GPHN: variants seen among roughly 807,000 people sequenced by gnomAD.
GPHN encodes gephyrin.
GPHN carries 17 observed loss-of-function variants against 95.5 expected under a neutral mutation model. The observed-to-expected ratio is 0.18, with a 90% CI of 0.12 to 0.27. The LOEUF is 0.27. Among genes scored for constraint, GPHN ranks in the 10% least tolerant of loss-of-function variants. The probability of loss-of-function intolerance (pLI) is 1.00; values close to 1 mark genes in which losing one functional copy is unlikely to be tolerated. For synonymous variants in GPHN, 320 were observed against 322.5 expected, an observed-to-expected ratio of 0.99 and a Z score of 0.08; for missense variants, 660 against 978.1, an observed-to-expected ratio of 0.67 and a Z score of 4.34.
chr14:67,655,028 C>CAA, the GPHN span, among the ~76,000 whole-genome samples: 4,531 of 42,662 alleles, frequency 0.11, 499 homozygotes, highest in Middle Eastern at 0.25. Context: ...GACTCCATCT[C>CAA]AAAAAAAAAA....
intron 18 of GPHN, among the ~76,000 whole-genome samples, chr14:67,148,605 G>GGCTGGAGT (rs1204255969): frequency 1.5e-4 from 20 of 132,476 alleles, no homozygotes; most frequent in African/African-American, 5.8e-4. Flanking sequence ...CTGTCACCCA[G>GGCTGGAGT]GCTGGAGTGC....
At position 67,181,404 on chromosome 14, in the gene GPHN, G is replaced by A. The variant is rs999486493; in HGVS notation, c.*467G>A. ...TTGCTTGTTCTTTCTCATGTATCTC[G>A]TGTTTATGTGCACAGTGCCAAAAGA... On this transcript the variant is annotated 3_prime_UTR_variant, in exon 23 of 23. Transcript: ENST00000478722. 6.2e-6 allele frequency: 3 copies of A among 487,480 alleles called. No homozygotes were observed. Among genetic ancestry groups the A allele is most frequent in the South Asian group, 1.7e-5 (1 of 59,022 alleles). 30.2% of individuals were successfully genotyped at this position (487,480 alleles called of 1,614,324 possible).
intron 1 of GPHN, among the ~76,000 whole-genome samples, chr14:66,556,363 A>G (rs1420292940): frequency 2.0e-5 from 3 of 152,148 alleles, no homozygotes; most frequent in African/African-American, 7.2e-5. Flanking sequence ...GAACACAACT[A>G]TTATCCTTGA....
chr14:66,946,553 G>A (rs897733164), intron 8 of GPHN, among the ~76,000 whole-genome samples: 29 of 151,996 alleles, frequency 1.9e-4, no homozygotes, highest in Non-Finnish European at 3.4e-4. Context: ...TTACAAGCAC[G>A]CACTACCACA....
intron 3 of GPHN, among the ~76,000 whole-genome samples, chr14:66,818,372 A>G (rs1474392753): frequency 1.3e-5 from 2 of 152,006 alleles, no homozygotes; most frequent in Non-Finnish European, 2.9e-5. Flanking sequence ...CTGTTCCTGC[A>G]TTAGTTTGCT....
At chr14:66,721,910 C>CATTGTACT (rs899184119) in intron 2 of GPHN, among the ~76,000 whole-genome samples, 3 of 136,254 alleles carry the variant, frequency 2.2e-5, no homozygotes, top group African/African-American at 8.5e-5. Flanking sequence ...GAGATTATGC[C>CATTGTACT]ATTGTACTCC....
intron 5 of GPHN, among the ~76,000 whole-genome samples, chr14:66,887,913 AC>A (rs1222927164): frequency 2.6e-5 from 4 of 152,174 alleles, no homozygotes; most frequent in Admixed American, 6.5e-5. Context: ...ACTCCTAAGA[AC>A]CAAAAATAAA....
At chr14:67,299,893 CAG>C in the GPHN span, among the ~76,000 whole-genome samples, 2 of 152,198 alleles carry the variant, frequency 1.3e-5, no homozygotes, top group Non-Finnish European at 2.9e-5. Context: ...TTCCCATCCT[CAG>C]AGTTTCTTCA....
At chr14:67,002,684 AAT>A (rs2072317631) in intron 9 of GPHN, among the ~76,000 whole-genome samples, 1 of 151,530 alleles carries the variant, frequency 6.6e-6, no homozygotes, top group Non-Finnish European at 1.5e-5. Context: ...GTAAAATAGG[AAT>A]GATACCACCT....
chr14:67,419,114 T>C, the GPHN span, among the ~76,000 whole-genome samples: 1 of 152,168 alleles, frequency 6.6e-6, no homozygotes, highest in East Asian at 1.9e-4. Context: ...CTGCTGGATA[T>C]AGATAAGAGC....
chr14:66,838,020 A>T (rs117823804), intron 4 of GPHN, among the ~76,000 whole-genome samples: 3 of 152,258 alleles, frequency 2.0e-5, no homozygotes, highest in African/African-American at 4.8e-5. Context: ...GAGTAGCATA[A>T]CATACTGCTT....
chr14:67,222,318 G>A, the GPHN span, among the ~76,000 whole-genome samples: 11 of 152,058 alleles, frequency 7.2e-5, no homozygotes, highest in African/African-American at 1.7e-4. Flanking sequence ...TTTGTGAGGC[G>A]TAGTCTCTGT....
chr14:67,558,715 T>G, the GPHN span, among the ~76,000 whole-genome samples: 3 of 152,240 alleles, frequency 2.0e-5, no homozygotes, highest in African/African-American at 4.8e-5. Context: ...GCAAGTCACT[T>G]CTTGCCATAG....
chr14:67,656,397 CCT>C, the GPHN span: 1 of 1,567,060 alleles, frequency 6.4e-7, no homozygotes, highest in Non-Finnish European at 8.7e-7. Flanking sequence ...TGCCCCTTTC[CCT>C]GTCTGCCCAG....
the GPHN span, among the ~76,000 whole-genome samples, chr14:67,350,048 T>A: frequency 6.6e-6 from 1 of 152,248 alleles, no homozygotes; most frequent in Non-Finnish European, 1.5e-5. Flanking sequence ...ACCTATCTCA[T>A]AGTGTTATTT....
chr14:66,975,195 G>C (rs535209484), intron 9 of GPHN, among the ~76,000 whole-genome samples: 1 of 152,026 alleles, frequency 6.6e-6, no homozygotes, highest in Admixed American at 6.6e-5. Context: ...TCACCAACCC[G>C]TATTTTGGAT....
At chr14:67,254,210 A>G in the GPHN span, 1 of 129,472 alleles carries the variant, frequency 7.7e-6, no homozygotes, top group Non-Finnish European at 1.6e-5. Context: ...TTAGATTTTA[A>G]GTTTCTTAAG....
chr14:66,835,743 C>T (rs1162145603), intron 4 of GPHN, among the ~76,000 whole-genome samples: 1 of 151,766 alleles, frequency 6.6e-6, no homozygotes, highest in African/African-American at 2.4e-5. Context: ...GCAACTTCAG[C>T]AAAGTCTCAG....
At chr14:66,992,266 G>A (rs1344351452) in intron 9 of GPHN, among the ~76,000 whole-genome samples, 4 of 152,032 alleles carry the variant, frequency 2.6e-5, no homozygotes, top group African/African-American at 4.8e-5. Context: ...CAGATTACTG[G>A]CATATAAGTG....
Sources: gnomAD v4.1 joint callset for allele counts (sites outside exome capture counted in the v4.1 genomes callset) on GRCh38, gnomAD v4.1.1 for gene constraint, MANE v1.5 for transcripts, NCBI Gene and HGNC (gene_info 2026-07-23, HGNC 2026-07-21) for gene names.